The following UGT8 variants were observed in gnomAD, a reference collection of about 807,000 sequenced individuals.
The protein encoded by UGT8 is 2-hydroxyacylsphingosine 1-beta-galactosyltransferase.
In UGT8, 12 loss-of-function variants were observed where a neutral mutation model predicts 40.5. That is an observed-to-expected ratio of 0.30 (90% CI 0.19 to 0.48). The LOEUF is 0.48. UGT8 is among the 20% of genes least tolerant of loss of function. The probability of loss-of-function intolerance (pLI) is 0.99; values close to 1 mark genes in which losing one functional copy is unlikely to be tolerated. For missense variants in UGT8, 513 were observed against 648.7 expected (o/e 0.79, Z 2.27); for synonymous variants, 224 against 240.4 (o/e 0.93, Z 0.63).
chr4:114,631,462 G>A (rs562366554), intron 2 of UGT8, among the ~76,000 whole-genome samples: 3 of 152,330 alleles, frequency 2.0e-5, no homozygotes, highest in South Asian at 4.1e-4. Context: ...ACGCCAGCCT[G>A]GGCGACAGAG....
intron 1 of UGT8, among the ~76,000 whole-genome samples, chr4:114,621,692 T>G (rs1156609475): frequency 6.6e-6 from 1 of 152,214 alleles, no homozygotes; most frequent in Non-Finnish European, 1.5e-5. Flanking sequence ...ATTTCATAGA[T>G]ATTCTTCCAA....
At chr4:114,672,041 C>T (rs1036285585) in intron 5 of UGT8, among the ~76,000 whole-genome samples, 3 of 152,124 alleles carry the variant, frequency 2.0e-5, no homozygotes, top group African/African-American at 7.2e-5. Context: ...AAAGAAGACA[C>T]TTATGTGGCC....
At chr4:114,621,961 TTTA>T (rs1163311320) in intron 1 of UGT8, among the ~76,000 whole-genome samples, 4 of 152,254 alleles carry the variant, frequency 2.6e-5, no homozygotes, top group Non-Finnish European at 5.9e-5. Context: ...ATTCTTTTTT[TTTA>T]TTATTATACT....
chr4:114,621,085 TC>T lies in UGT8; in HGVS notation c.-2-1790del, dbSNP rs371487621. ...GTGGGTGTATTTGCACACTATATGG[TC>T]CCCACGTATAGTATATTTATCTCTA... is the stretch of plus-strand genomic sequence containing the variant. On this transcript the variant is annotated intron_variant, in intron 1 of 5. Coordinates refer to ENST00000310836, the MANE Select transcript of UGT8 (RefSeq NM_001128174.3). 6.1e-3 allele frequency among the ~76,000 whole-genome samples: 928 copies of T among 152,230 alleles called. 12 individuals are homozygous for T. The highest frequency in any genetic ancestry group is 0.021 in the African/African-American group (886 of 41,548).
At chr4:114,624,740 G>T (rs892517225) in intron 2 of UGT8, among the ~76,000 whole-genome samples, 3 of 152,044 alleles carry the variant, frequency 2.0e-5, no homozygotes, top group African/African-American at 7.2e-5. Flanking sequence ...CGACCTGTAG[G>T]CTTTTCTAAT....
chr4:114,610,241 A>G (rs1730961520), intron 1 of UGT8, among the ~76,000 whole-genome samples: 1 of 152,200 alleles, frequency 6.6e-6, no homozygotes, highest in Admixed American at 6.5e-5. Flanking sequence ...TAATGCAAAG[A>G]CAACCACCCC....
intron 2 of UGT8, among the ~76,000 whole-genome samples, chr4:114,657,198 CTG>C (rs1201085441): frequency 3.3e-5 from 5 of 151,880 alleles, no homozygotes; most frequent in African/African-American, 1.2e-4. Context: ...CGGGATGTCC[CTG>C]CTGCTTGTGT....
At chr4:114,621,890 T>C (rs1039509202) in intron 1 of UGT8, among the ~76,000 whole-genome samples, 4 of 152,184 alleles carry the variant, frequency 2.6e-5, no homozygotes, top group Non-Finnish European at 5.9e-5. Flanking sequence ...TTAGAACAAA[T>C]ATCAGGATAA....
rs886483137 is a variant in UGT8, at chr4:114,677,334, A to G, written c.*1046A>G. 4 of 152,230 alleles carry G rather than the reference A, an allele frequency of 2.6e-5. No individual in the cohort carries two copies. The highest frequency in any genetic ancestry group is 5.9e-5 in the Non-Finnish European group (4 of 68,044). The allele number at this position is 152,230 out of a possible 1,614,324, so 9.4% of individuals were successfully genotyped here. A position where few individuals can be genotyped will look rare whatever the true frequency, so the allele number is the denominator to read the frequency against. On this transcript the variant is annotated 3_prime_UTR_variant, in exon 6 of 6. Coordinates refer to ENST00000310836, the MANE Select transcript of UGT8 (RefSeq NM_001128174.3). ...GTCTGGGCCATACAATCTATATTAC[A>G]TAGGTGCCAACATTTAATTCTTTTA...
intron 1 of UGT8, among the ~76,000 whole-genome samples, chr4:114,610,937 T>G (rs138765172): frequency 2.2e-4 from 34 of 152,308 alleles, no homozygotes; most frequent in Non-Finnish European, 2.8e-4. Flanking sequence ...TGATCTTTTG[T>G]GATTCTACAA....
intron 1 of UGT8, among the ~76,000 whole-genome samples, chr4:114,619,114 T>C (rs1209317764): frequency 6.6e-6 from 1 of 152,130 alleles, no homozygotes; most frequent in Admixed American, 6.5e-5. Context: ...TGAACATAGG[T>C]ATAATTTTGA....
At position 114,669,665 on chromosome 4, in the gene UGT8, A is replaced by G. The variant is rs187517832; in HGVS notation, c.1262+1361A>G. On this transcript the variant is annotated intron_variant, in intron 5 of 5. Coordinates refer to ENST00000310836, the MANE Select transcript of UGT8 (RefSeq NM_001128174.3). ...AGAACAGGTTGCAATCTTAGGTCAC[A>G]TGGCAATTAAATTCCAGCTATAGAA... Among the ~76,000 whole-genome samples the G allele has an allele frequency of 5.6e-3, 860 of 152,336 alleles. 6 individuals carry two copies. Among genetic ancestry groups the G allele is most frequent in the Middle Eastern group, 0.017 (5 of 294 alleles).
At chr4:114,675,844 C>T (rs1735604311) in intron 5 of UGT8, 81 bp from the exon 6 acceptor site, 1 of 1,468,990 alleles carries the variant, frequency 6.8e-7, no homozygotes, top group South Asian at 1.4e-5. Context: ...TTAATTATTT[C>T]CCCTTTTTAA....
intron 1 of UGT8, among the ~76,000 whole-genome samples, chr4:114,603,672 T>C (rs1265770701): frequency 6.6e-6 from 1 of 152,090 alleles, no homozygotes; most frequent in Non-Finnish European, 1.5e-5. Flanking sequence ...CCCGAATAGC[T>C]CTGTGACCTT....
intron 2 of UGT8, 148 bp from the exon 3 acceptor site, chr4:114,663,847 A>G (rs1734696368): frequency 7.1e-7 from 1 of 1,405,266 alleles, no homozygotes; most frequent in Non-Finnish European, 9.3e-7. Context: ...AAACAAAAGC[A>G]GTTATTTAGA....
At chr4:114,607,115 A>G (rs1443265816) in intron 1 of UGT8, among the ~76,000 whole-genome samples, 1 of 152,188 alleles carries the variant, frequency 6.6e-6, no homozygotes, top group Admixed American at 6.5e-5. Flanking sequence ...ATATATTTCT[A>G]CTGTTTAGTT....
chr4:114,662,513 A>G (rs1268279485), intron 2 of UGT8, among the ~76,000 whole-genome samples: 1 of 152,156 alleles, frequency 6.6e-6, no homozygotes, highest in Non-Finnish European at 1.5e-5. Flanking sequence ...TGGAAAATAC[A>G]ATGTTTTGGT....
At chr4:114,673,416 A>G (rs550214246) in intron 5 of UGT8, among the ~76,000 whole-genome samples, 2 of 152,318 alleles carry the variant, frequency 1.3e-5, no homozygotes, top group East Asian at 3.9e-4. Flanking sequence ...ATCCAGCTTT[A>G]TAAGTCTACT....
intron 2 of UGT8, among the ~76,000 whole-genome samples, chr4:114,647,124 G>A (rs1485750390): frequency 2.0e-5 from 3 of 152,126 alleles, no homozygotes; most frequent in African/African-American, 7.2e-5. Flanking sequence ...CACCTGTAGA[G>A]ATTTTATAAA....
Sources: allele counts gnomAD v4.1 joint callset (sites outside exome capture counted in the v4.1 genomes callset), GRCh38; gene constraint gnomAD v4.1.1; transcripts MANE v1.5; gene names NCBI Gene and HGNC (gene_info 2026-07-23, HGNC 2026-07-21).